The following ANAPC13 variants were observed in gnomAD, a reference collection of about 807,000 sequenced individuals.
The protein encoded by ANAPC13 is anaphase-promoting complex subunit 13.
A neutral mutation model predicts 9.6 loss-of-function variants in ANAPC13; 9 were observed. The ratio of observed to expected loss-of-function variants is 0.94; its 90% CI spans 0.57 to 1.64. The LOEUF (loss-of-function observed/expected upper bound fraction) is 1.64, where lower values mean the gene tolerates loss of function less well. ANAPC13 is among the 40% of genes most tolerant of loss of function. ANAPC13 has a pLI of 0.00. For synonymous variants in ANAPC13, 30 were observed against 29.7 expected (o/e 1.01, Z -0.03); for missense variants, 75 against 85.3 (o/e 0.88, Z 0.48).
chr3:134,478,772 T>G, intron 2 of ANAPC13, 57 bp from the exon 3 acceptor site: 1 of 1,580,132 alleles, frequency 6.3e-7, no homozygotes, highest in Non-Finnish European at 8.6e-7. Flanking sequence ...TTCTTGGAAC[T>G]CAAGAACACT....
intron 1 of ANAPC13, among the ~76,000 whole-genome samples, chr3:134,483,624 T>G (rs1934790168): frequency 6.6e-6 from 1 of 152,248 alleles, no homozygotes; most frequent in Non-Finnish European, 1.5e-5. Context: ...CATTTTTCTC[T>G]GAAACTGCTA....
chr3:134,482,033 A>G (rs944243879), intron 2 of ANAPC13, among the ~76,000 whole-genome samples: 1 of 152,206 alleles, frequency 6.6e-6, no homozygotes, highest in African/African-American at 2.4e-5. Context: ...ACTATCTCTT[A>G]TTCGTAAATG....
chr3:134,482,551 C>T (rs995568132), intron 2 of ANAPC13, among the ~76,000 whole-genome samples: 1 of 152,190 alleles, frequency 6.6e-6, no homozygotes, highest in African/African-American at 2.4e-5. Flanking sequence ...GTGTGGTGGA[C>T]AGAACATGGC....
chr3:134,478,675 G>A lies in ANAPC13; in HGVS notation c.140C>T (p.Thr47Ile). The change falls in exon 3 of 3, where the codon ACA becomes ATA. Residue 47 changes from threonine to isoleucine, a missense_variant. Physicochemically the swap from Thr to Ile is moderately conservative, Grantham distance 89. Transcript: ENST00000354910. ...PEPEQDNGGTTESVKEQEMKW... is the reference protein window; with the variant it reads ...PEPEQDNGGTIESVKEQEMKW... ...CATTTCTTGTTCTTTGACAGATTCT[G>A]TGGTGCCACCATTGTCTTGTTCAGG... is the stretch of plus-strand genomic sequence containing the variant. 1 of 1,614,146 alleles carries A rather than the reference G, an allele frequency of 6.2e-7. No homozygotes were observed. The highest frequency in any genetic ancestry group is 1.1e-5 in the South Asian group (1 of 91,078).
chr3:134,485,188 GC>G (rs373103112), intron 1 of ANAPC13: 53 of 152,348 alleles, frequency 3.5e-4, no homozygotes, highest in African/African-American at 1.2e-3. Flanking sequence ...CTCATAAGGG[GC>G]TGGAAGGATG....
Position 134,481,319 on chromosome 3 carries a change from C to A in ANAPC13, c.99+1487G>T, listed in dbSNP as rs113800296. The stretch of plus-strand genomic sequence containing the variant: ...ATCTGATCCAAGCCCAACTTTTCAG[C>A]CTACTTATGTGACAAATGTATTCTT... On this transcript the variant is annotated intron_variant, in intron 2 of 2. Transcript: ENST00000354910. 7.0e-3 allele frequency among the ~76,000 whole-genome samples: 1,070 copies of A among 152,314 alleles called. 12 individuals are homozygous for A. Among genetic ancestry groups the A allele is most frequent in the African/African-American group, 0.025 (1,028 of 41,574 alleles).
At chr3:134,478,780 A>T (rs1165057509) in intron 2 of ANAPC13, 65 bp from the exon 3 acceptor site, 6 of 1,573,682 alleles carry the variant, frequency 3.8e-6, no homozygotes, top group Non-Finnish European at 3.5e-6. Flanking sequence ...ACTCAAGAAC[A>T]CTTAGAATTA....
At chr3:134,479,800 G>C (rs1291965013) in intron 2 of ANAPC13, among the ~76,000 whole-genome samples, 2 of 152,198 alleles carry the variant, frequency 1.3e-5, no homozygotes, top group African/African-American at 2.4e-5. Context: ...TCTTAAAATG[G>C]TAAGTCATGG....
intron 1 of ANAPC13, among the ~76,000 whole-genome samples, chr3:134,484,685 G>A (rs1415732847): frequency 1.3e-5 from 2 of 152,180 alleles, no homozygotes; most frequent in African/African-American, 2.4e-5. Context: ...TGTCTTACAA[G>A]TGCTCCCCAC....
chr3:134,483,191 G>A (rs534706366), intron 1 of ANAPC13: 9 of 398,624 alleles, frequency 2.3e-5, no homozygotes, highest in South Asian at 5.1e-5. Flanking sequence ...CACGTTAAAC[G>A]AGGCCCTCAA....
At chr3:134,482,638 T>C (rs142109092) in intron 2 of ANAPC13, 168 bp downstream of exon 2, 8 of 647,302 alleles carry the variant, frequency 1.2e-5, no homozygotes, top group East Asian at 7.9e-5. Flanking sequence ...CACATTTTTC[T>C]TCAAATAAAA....
chr3:134,485,895 C>T, intron 1 of ANAPC13, 57 bp downstream of exon 1: 2 of 724,218 alleles, frequency 2.8e-6, no homozygotes, highest in Non-Finnish European at 3.4e-6. Context: ...CGACACTGAG[C>T]AACGAACGCA....
chr3:134,479,634 C>A (rs1367809171), intron 2 of ANAPC13, among the ~76,000 whole-genome samples: 1 of 152,178 alleles, frequency 6.6e-6, no homozygotes, highest in Non-Finnish European at 1.5e-5. Flanking sequence ...CAGGCGCGAG[C>A]CACCGCGCCT....
At chr3:134,479,361 G>A (rs1934685748) in intron 2 of ANAPC13, among the ~76,000 whole-genome samples, 1 of 151,742 alleles carries the variant, frequency 6.6e-6, no homozygotes, top group Non-Finnish European at 1.5e-5. Context: ...TTTTGAGATG[G>A]AGTTTTGCTT....
rs1934763292 is a variant in ANAPC13 at position 134,482,719 on chromosome 3, T to A, written c.99+87A>T. 8 of 1,037,258 alleles carry A rather than the reference T, an allele frequency of 7.7e-6. No individual in the cohort carries two copies. The South Asian group carries it at 1.0e-4, about 13-fold the overall frequency. 64.3% of individuals were successfully genotyped at this position (1,037,258 alleles called of 1,614,324 possible). On this transcript the variant is annotated intron_variant, in intron 2 of 2. Transcript: ENST00000354910. ...CACAGCTTTGATTTCTTTGCCACAC[T>A]AGTTTATCTTCCATTGATATCCCTC...
chr3:134,478,839 T>A, intron 2 of ANAPC13, 124 bp from the exon 3 acceptor site: 1 of 1,069,114 alleles, frequency 9.4e-7, no homozygotes, highest in Non-Finnish European at 1.4e-6. Flanking sequence ...ATGTGTATTC[T>A]AAAAAAGCTA....
At chr3:134,485,881 A>G (rs138101536) in intron 1 of ANAPC13, 71 bp downstream of exon 1, 8 of 560,744 alleles carry the variant, frequency 1.4e-5, no homozygotes, top group Non-Finnish European at 1.8e-5. Context: ...AATAGGGGGA[A>G]GTCCGACACT....
chr3:134,478,781 C>G (rs189201350), intron 2 of ANAPC13, 66 bp from the exon 3 acceptor site: 1 of 1,564,030 alleles, frequency 6.4e-7, no homozygotes, highest in Admixed American at 1.8e-5. Flanking sequence ...CTCAAGAACA[C>G]TTAGAATTAA....
chr3:134,478,893 T>C (rs535498590), intron 2 of ANAPC13, among the ~76,000 whole-genome samples, 178 bp from the exon 3 acceptor site: 10 of 152,234 alleles, frequency 6.6e-5, no homozygotes, highest in Non-Finnish European at 1.3e-4. Flanking sequence ...CATTCAAACA[T>C]GGCCCGGGCC....
Sources: allele counts gnomAD v4.1 joint callset (sites outside exome capture counted in the v4.1 genomes callset), GRCh38; gene constraint gnomAD v4.1.1; transcripts MANE v1.5; gene names NCBI Gene and HGNC (gene_info 2026-07-23, HGNC 2026-07-21).